RBFOX1: variants seen among roughly 807,000 people sequenced by gnomAD.
RBFOX1 encodes the protein RNA binding fox-1 homolog 1, also known as RNA binding protein fox-1 homolog 1.
A neutral mutation model predicts 57.7 loss-of-function variants in RBFOX1; 8 were observed. The observed-to-expected ratio is 0.14, with a 90% CI of 0.08 to 0.25. RBFOX1 has a LOEUF of 0.25. Ranked by LOEUF, RBFOX1 falls within the 10% of genes least tolerant of loss-of-function variation. The pLI, the probability that RBFOX1 is intolerant of heterozygous loss-of-function variation, is 1.00. For synonymous variants in RBFOX1, 326 were observed against 222.4 expected (o/e 1.47, Z -4.15); for missense variants, 611 against 548.5 (o/e 1.11, Z -1.14).
intron 3 of RBFOX1, among the ~76,000 whole-genome samples, chr16:5,765,139 G>T (rs1274337805): frequency 6.6e-6 from 1 of 152,124 alleles, no homozygotes; most frequent in Non-Finnish European, 1.5e-5. Flanking sequence ...CCTTGGGTGG[G>T]AGCTGGGAGA....
intron 1 of RBFOX1, among the ~76,000 whole-genome samples, chr16:5,381,013 C>A (rs949867822): frequency 6.6e-6 from 1 of 152,226 alleles, no homozygotes; most frequent in Non-Finnish European, 1.5e-5. Context: ...TGGCGGAAAG[C>A]ATGGCTTGAG....
chr16:7,489,805 G>A (rs1346322520), intron 4 of RBFOX1, among the ~76,000 whole-genome samples: 1 of 151,930 alleles, frequency 6.6e-6, no homozygotes, highest in African/African-American at 2.4e-5. Flanking sequence ...ACAGGTGTGA[G>A]CCACCACGCC....
In RBFOX1 at chr16:6,845,962, G is replaced by T. The variant is rs373802729; in HGVS notation, c.-16+191312G>T. 1.1e-3 allele frequency among the ~76,000 whole-genome samples: 164 copies of T among 152,224 alleles called. 1 individual carries two copies. Among genetic ancestry groups the T allele is most frequent in the African/African-American group, 3.7e-3 (153 of 41,532 alleles). On this transcript the variant is annotated intron_variant, in intron 3 of 15. Transcript: ENST00000550418. ...TGGACAGCAGATGCTTCTTCCTTAG[G>T]TGTTACTGATAAAATAATGCATCAA...
At position 7,131,383 on chromosome 16, in the gene RBFOX1, T is replaced by C. The variant is rs560552796; in HGVS notation, c.27+79285T>C. ...TTTTTTTAAAAAAAAAAAAAAAGAA[T>C]CATAGGTTCTGCTTAGTCAGTGCCT... On this transcript the variant is annotated intron_variant, in intron 4 of 15. Coordinates refer to ENST00000550418, the MANE Select transcript of RBFOX1 (RefSeq NM_018723.4). Among the ~76,000 whole-genome samples the C allele has an allele frequency of 4.8e-3, 605 of 125,448 alleles. 4 individuals carry two copies. The highest frequency in any genetic ancestry group is 0.013 in the Middle Eastern group (3 of 228). The allele number at this position is 125,448 out of a possible 152,430, so 82.3% of individuals were successfully genotyped here.
At chr16:5,662,773 A>G (rs982328236) in intron 3 of RBFOX1, among the ~76,000 whole-genome samples, 3 of 152,240 alleles carry the variant, frequency 2.0e-5, no homozygotes, top group East Asian at 1.9e-4. Flanking sequence ...ACTGAAGACA[A>G]TCGGGTTCAC....
chr16:5,727,852 A>C (rs1216598613), intron 3 of RBFOX1, among the ~76,000 whole-genome samples: 1 of 151,918 alleles, frequency 6.6e-6, no homozygotes, highest in Non-Finnish European at 1.5e-5. Context: ...CATGCCCACT[A>C]ATATTTCAGG....
intron 3 of RBFOX1, among the ~76,000 whole-genome samples, chr16:7,000,239 A>G (rs17141990): frequency 0.019 from 2,891 of 152,270 alleles, 98 homozygotes; most frequent in African/African-American, 0.066. Flanking sequence ...ATAAGCAAGC[A>G]TTCTATCATT....
intron 4 of RBFOX1, among the ~76,000 whole-genome samples, chr16:7,199,811 C>G (rs961159169): frequency 3.9e-5 from 6 of 152,092 alleles, no homozygotes; most frequent in African/African-American, 1.4e-4. Flanking sequence ...CCAAGAATTG[C>G]TTGAACCCAG....
At chr16:7,162,602 G>T (rs1285540981) in intron 4 of RBFOX1, among the ~76,000 whole-genome samples, 1 of 149,468 alleles carries the variant, frequency 6.7e-6, no homozygotes, top group African/African-American at 2.5e-5. Flanking sequence ...CCAGGTACGC[G>T]CCTGTAATCC....
At chr16:5,562,500 G>A (rs1238897812) in intron 2 of RBFOX1, among the ~76,000 whole-genome samples, 1 of 142,334 alleles carries the variant, frequency 7.0e-6, no homozygotes, top group Non-Finnish European at 1.6e-5. Context: ...AGGAGGAGAA[G>A]AAGGGGGAGG....
intron 1 of RBFOX1, among the ~76,000 whole-genome samples, chr16:5,434,240 G>T (rs1408026589): frequency 6.6e-6 from 1 of 151,220 alleles, no homozygotes; most frequent in Non-Finnish European, 1.5e-5. Context: ...AGCAAAATGA[G>T]GCCTTAGAAG....
intron 2 of RBFOX1, among the ~76,000 whole-genome samples, chr16:6,459,409 C>G (rs1444945696): frequency 1.3e-5 from 2 of 152,190 alleles, no homozygotes; most frequent in African/African-American, 4.8e-5. Context: ...TATTTCTCCT[C>G]TCTGCATCCC....
chr16:7,437,844 C>T (rs1172784879), intron 4 of RBFOX1, among the ~76,000 whole-genome samples: 1 of 148,696 alleles, frequency 6.7e-6, no homozygotes, highest in African/African-American at 2.5e-5. Flanking sequence ...TGACAGGAGG[C>T]AGTCCATTGG....
intron 4 of RBFOX1, among the ~76,000 whole-genome samples, chr16:5,889,626 G>A (rs533120130): frequency 5.3e-5 from 8 of 152,174 alleles, no homozygotes; most frequent in Non-Finnish European, 5.9e-5. Context: ...GAGGATGCAG[G>A]ACAAGCAGAC....
rs547941893 is a variant in RBFOX1 at position 5,346,187 on chromosome 16, G to A, written c.219+106082G>A. Among the ~76,000 whole-genome samples the A allele has an allele frequency of 1.1e-4, 16 of 152,152 alleles. No homozygotes were observed. In the East Asian group the frequency reaches 2.1e-3, roughly 20 times the overall value. ...CAGAGGGGAGTTTCGATCCTACAGC[G>A]GACCCTTACTATGTGTGTGACGTTG... is the stretch of plus-strand genomic sequence containing the variant. On this transcript the variant is annotated intron_variant, in intron 1 of 2. Coordinates refer to the RBFOX1 transcript ENST00000585867.
chr16:7,002,578 G>C (rs909078620), intron 3 of RBFOX1, among the ~76,000 whole-genome samples: 6 of 152,076 alleles, frequency 3.9e-5, no homozygotes, highest in Non-Finnish European at 5.9e-5. Context: ...TGGGCGTGGT[G>C]GCATGCACAT....
chr16:6,476,502 A>G (rs1279517313), intron 2 of RBFOX1, among the ~76,000 whole-genome samples: 3 of 152,228 alleles, frequency 2.0e-5, no homozygotes, highest in African/African-American at 4.8e-5. Flanking sequence ...TAAGTGTGCA[A>G]TAGCATTGTA....
rs1188869269 is a variant in RBFOX1 at position 7,676,868 on chromosome 16, C to G, written c.995+30C>G. The G allele has an allele frequency of 3.2e-6, 5 of 1,577,920 alleles. No homozygotes were observed. The Admixed American group carries it at 6.7e-5, about 21-fold the overall frequency. ...GGGTCATCCTTCTTGTGCTTGACAA[C>G]TACTTGTAAATTAACTTAGTTGATG... On this transcript the variant is annotated intron_variant, in intron 14 of 15. Transcript: ENST00000550418.
chr16:7,247,647 T>C (rs1389779942), intron 4 of RBFOX1, among the ~76,000 whole-genome samples: 1 of 152,230 alleles, frequency 6.6e-6, no homozygotes, highest in East Asian at 1.9e-4. Flanking sequence ...ATTTTAAGAA[T>C]ACATTAGTGA....
Sources: gnomAD v4.1 joint callset for allele counts (sites outside exome capture counted in the v4.1 genomes callset) on GRCh38, gnomAD v4.1.1 for gene constraint, MANE v1.5 for transcripts, NCBI Gene and HGNC (gene_info 2026-07-23, HGNC 2026-07-21) for gene names.